Variants in NLGN4X observed in about 807,000 individuals in gnomAD.
NLGN4X encodes neuroligin 4 X-linked.
NLGN4X carries 3 observed loss-of-function variants against 40.3 expected under a neutral mutation model. That is an observed-to-expected ratio of 0.07 (90% CI 0.03 to 0.19). The LOEUF (loss-of-function observed/expected upper bound fraction) is 0.19, where lower values mean the gene tolerates loss of function less well. NLGN4X is among the 10% of genes least tolerant of loss of function. The pLI is 1.00. For synonymous variants in NLGN4X, 270 were observed against 306.8 expected, an observed-to-expected ratio of 0.88 and a Z score of 1.25; for missense variants, 382 against 708.3, an observed-to-expected ratio of 0.54 and a Z score of 5.23.
At chrX:6,140,403 A>C (rs1338229839) in intron 2 of NLGN4X, among the ~76,000 whole-genome samples, 1 of 108,431 alleles carries the variant, frequency 9.2e-6, no homozygotes, top group Non-Finnish European at 1.9e-5. Context: ...TTTGATCTTA[A>C]CTGAATTGTG....
intron 3 of NLGN4X, among the ~76,000 whole-genome samples, chrX:5,955,181 A>G (rs1047420080): frequency 8.9e-6 from 1 of 112,007 alleles, no homozygotes; most frequent in Admixed American, 9.5e-5. Flanking sequence ...TAAGCCAAAA[A>G]TATCCGGATG....
At chrX:5,905,576 T>A (rs2032129510) in intron 4 of NLGN4X, among the ~76,000 whole-genome samples, 1 of 112,775 alleles carries the variant, frequency 8.9e-6, no homozygotes, top group African/African-American at 3.2e-5. Flanking sequence ...GCTACGATAC[T>A]AATACTGTGG....
At chrX:6,144,030 G>A (rs778141416) in intron 2 of NLGN4X, among the ~76,000 whole-genome samples, 3 of 111,917 alleles carry the variant, frequency 2.7e-5, no homozygotes, top group Non-Finnish European at 1.9e-5. Flanking sequence ...GATCACTTGC[G>A]GCCAGGAGTT....
At chrX:6,224,072 C>G (rs1490630359) in intron 1 of NLGN4X, among the ~76,000 whole-genome samples, 1 of 112,402 alleles carries the variant, frequency 8.9e-6, no homozygotes, top group African/African-American at 3.2e-5. Flanking sequence ...CATCTTAAGA[C>G]CAACTCTCAC....
At position 5,991,249 on chromosome X, in the gene NLGN4X, CT is replaced by C. The variant is rs1289125914; in HGVS notation, c.625+38030del. Among the ~76,000 whole-genome samples the C allele has an allele frequency of 2.3e-3, 237 of 103,937 alleles. 1 individual carries two copies. Among genetic ancestry groups the C allele is most frequent in the Middle Eastern group, 9.8e-3 (2 of 204 alleles). 90.3% of individuals were successfully genotyped at this position (103,937 alleles called of 115,157 possible). The stretch of plus-strand genomic sequence containing the variant: ...AGAAAAAATGAAAATATTTCCTTTC[CT>C]TTTTTTTTTTCCCCCAAAGGAACAA... On this transcript the variant is annotated intron_variant, in intron 3 of 5. Coordinates refer to ENST00000381095, the MANE Select transcript of NLGN4X (RefSeq NM_181332.3).
intron 2 of NLGN4X, among the ~76,000 whole-genome samples, chrX:6,111,815 C>T (rs1461107719): frequency 9.0e-6 from 1 of 111,243 alleles, no homozygotes; most frequent in Non-Finnish European, 1.9e-5. Flanking sequence ...GTTATAGCAG[C>T]CTCGACAGAC....
intron 2 of NLGN4X, among the ~76,000 whole-genome samples, chrX:6,048,190 C>T (rs764535067): frequency 2.0e-4 from 22 of 111,847 alleles, no homozygotes; most frequent in Non-Finnish European, 2.1e-4. Flanking sequence ...CTCTCTGACA[C>T]GAGACGCAGT....
intron 2 of NLGN4X, among the ~76,000 whole-genome samples, chrX:6,048,356 A>T (rs1476909382): frequency 8.9e-6 from 1 of 111,822 alleles, no homozygotes; most frequent in Non-Finnish European, 1.9e-5. Context: ...AATCAAGCTC[A>T]GGGCAACTCC....
intron 3 of NLGN4X, among the ~76,000 whole-genome samples, chrX:5,926,062 G>A (rs1179667971): frequency 2.9e-5 from 3 of 103,683 alleles, no homozygotes; most frequent in Non-Finnish European, 3.9e-5. Context: ...GAGGAACCAG[G>A]TGGAGATAAT....
intron 1 of NLGN4X, among the ~76,000 whole-genome samples, chrX:6,190,557 G>C (rs1049103746): frequency 2.7e-5 from 3 of 111,923 alleles, no homozygotes; most frequent in African/African-American, 9.8e-5. Context: ...TGTGGGGAAG[G>C]GTCCAGATTT....
chrX:5,892,348 C>A lies in NLGN4X; in HGVS notation c.*469G>T, dbSNP rs2031221989. 1 of 175,049 alleles carries A rather than the reference C, an allele frequency of 5.7e-6. No homozygotes were observed. The highest frequency in any genetic ancestry group is 7.3e-5 in the Admixed American group (1 of 13,670). The allele number at this position is 175,049 out of a possible 1,213,427, so 14.4% of individuals were successfully genotyped here. ...TACAGCTCCATGTGCTGGGCAAAAT[C>A]TCATTGACTCTTTCTTCACTTAAGG... On this transcript the variant is annotated 3_prime_UTR_variant, in exon 6 of 6. Coordinates refer to ENST00000381095, the MANE Select transcript of NLGN4X (RefSeq NM_181332.3).
At chrX:5,930,287 G>A (rs190844338) in intron 3 of NLGN4X, among the ~76,000 whole-genome samples, 1 of 112,314 alleles carries the variant, frequency 8.9e-6, no homozygotes, top group East Asian at 2.8e-4. Flanking sequence ...AATAAGAAAT[G>A]TAGATAACAC....
At chrX:6,060,745 G>GC (rs2037748531) in intron 2 of NLGN4X, among the ~76,000 whole-genome samples, 1 of 111,250 alleles carries the variant, frequency 9.0e-6, no homozygotes. Context: ...GACAATAATG[G>GC]CCCCATCTTT....
rs371368130 is a variant in NLGN4X at position 5,914,466 on chromosome X, G to A, written c.626-5227C>T. ...AAAGCTGCAATCCATTTTCTTTTAG[G>A]AGATCATTCCTTGCATAAACACAGT... is the stretch of plus-strand genomic sequence containing the variant. On this transcript the variant is annotated intron_variant, in intron 3 of 5. Coordinates refer to ENST00000381095, the MANE Select transcript of NLGN4X (RefSeq NM_181332.3). 7.2e-5 allele frequency among the ~76,000 whole-genome samples: 8 copies of A among 110,876 alleles called. No individual in the cohort carries two copies. The East Asian group carries it at 2.0e-3, about 28-fold the overall frequency.
chrX:6,079,772 TC>T (rs1413370616), intron 2 of NLGN4X, among the ~76,000 whole-genome samples: 1 of 112,066 alleles, frequency 8.9e-6, no homozygotes, highest in Non-Finnish European at 1.9e-5. Flanking sequence ...ATTGGCATCA[TC>T]CTGTGGGTCA....
intron 1 of NLGN4X, among the ~76,000 whole-genome samples, chrX:6,219,255 G>C (rs1925391801): frequency 9.5e-6 from 1 of 105,213 alleles, no homozygotes; most frequent in Non-Finnish European, 1.9e-5. Flanking sequence ...GAACTTCCAG[G>C]CTGGTTCACA....
chrX:5,941,210 T>TGC (rs2033933806), intron 3 of NLGN4X, among the ~76,000 whole-genome samples: 1 of 97,540 alleles, frequency 1.0e-5, no homozygotes, highest in Non-Finnish European at 2.0e-5. Context: ...TGTGTGTGTG[T>TGC]GTGTGTGTGT....
intron 3 of NLGN4X, among the ~76,000 whole-genome samples, chrX:5,941,316 T>TA (rs1274025228): frequency 9.2e-6 from 1 of 109,134 alleles, no homozygotes; most frequent in African/African-American, 3.3e-5. Context: ...AGCAAGAATT[T>TA]AAACCTGCAA....
In NLGN4X at chrX:5,992,358, C is replaced by T. The variant is rs185156363; in HGVS notation, c.625+36922G>A. 2.2e-4 allele frequency among the ~76,000 whole-genome samples: 25 copies of T among 111,880 alleles called. 1 individual carries two copies. In the East Asian group the frequency reaches 5.9e-3, roughly 27 times the overall value. On this transcript the variant is annotated intron_variant, in intron 3 of 5. Coordinates refer to ENST00000381095, the MANE Select transcript of NLGN4X (RefSeq NM_181332.3). ...TGGTGGCTCACATCTGTAATCCCAGCACTTTAGGAGGCTGAAGCAGGAGGA... is the reference window on the plus strand; with the variant it reads ...TGGTGGCTCACATCTGTAATCCCAGTACTTTAGGAGGCTGAAGCAGGAGGA...
Sources: gnomAD v4.1 joint callset for allele counts (sites outside exome capture counted in the v4.1 genomes callset) on GRCh38, gnomAD v4.1.1 for gene constraint, MANE v1.5 for transcripts, NCBI Gene and HGNC (gene_info 2026-07-23, HGNC 2026-07-21) for gene names.